TENM4: variants seen among roughly 807,000 people sequenced by gnomAD.
The protein encoded by TENM4 is teneurin transmembrane protein 4, also known as teneurin-4.
TENM4 carries 82 observed loss-of-function variants against 243.3 expected under a neutral mutation model. That is an observed-to-expected ratio of 0.34 (90% CI 0.28 to 0.40). The LOEUF (loss-of-function observed/expected upper bound fraction) is 0.40. TENM4 is among the 10% of genes least tolerant of loss of function. The pLI, the probability that TENM4 is intolerant of heterozygous loss-of-function variation, is 1.00. For missense variants in TENM4, 3,138 were observed against 3,673.3 expected, an observed-to-expected ratio of 0.85 and a Z score of 3.77; for synonymous variants, 1,412 against 1,456.3, an observed-to-expected ratio of 0.97 and a Z score of 0.69.
At chr11:79,114,711 T>A (rs1861582545) in intron 4 of TENM4, among the ~76,000 whole-genome samples, 1 of 152,222 alleles carries the variant, frequency 6.6e-6, no homozygotes, top group South Asian at 2.1e-4. Flanking sequence ...ACATAATTTA[T>A]GTAACTGATC....
chr11:79,282,744 C>T (rs558651605), intron 2 of TENM4, among the ~76,000 whole-genome samples: 1 of 151,896 alleles, frequency 6.6e-6, no homozygotes, highest in Non-Finnish European at 1.5e-5. Flanking sequence ...AATCTCTTAT[C>T]TGTTATGAAG....
At chr11:78,979,845 T>C (rs1274334773) in intron 6 of TENM4, among the ~76,000 whole-genome samples, 1 of 152,208 alleles carries the variant, frequency 6.6e-6, no homozygotes, top group Non-Finnish European at 1.5e-5. Context: ...AACTTGTCTG[T>C]ACCACCTGAA....
At chr11:79,119,019 A>G (rs879672466) in intron 4 of TENM4, among the ~76,000 whole-genome samples, 1 of 152,130 alleles carries the variant, frequency 6.6e-6, no homozygotes, top group East Asian at 1.9e-4. Flanking sequence ...TACCTAATCC[A>G]TTTTTAAAGA....
At chr11:79,148,537 A>G (rs766158743) in intron 4 of TENM4, among the ~76,000 whole-genome samples, 173 bp downstream of exon 4, 1 of 152,108 alleles carries the variant, frequency 6.6e-6, no homozygotes, top group Non-Finnish European at 1.5e-5. Context: ...GAAGGCAAGC[A>G]GTAATCCTGC....
At chr11:78,683,692 A>G (rs1427169033) in intron 29 of TENM4, among the ~76,000 whole-genome samples, 1 of 147,322 alleles carries the variant, frequency 6.8e-6, no homozygotes, top group Non-Finnish European at 1.5e-5. Flanking sequence ...CTCCCTAGTG[A>G]GATGAACCCG....
intron 6 of TENM4, among the ~76,000 whole-genome samples, chr11:78,907,032 A>T (rs1856079012): frequency 1.3e-5 from 2 of 152,154 alleles, no homozygotes; most frequent in African/African-American, 4.8e-5. Context: ...GCCTGGAGCC[A>T]GAGTTGCAGA....
intron 7 of TENM4, among the ~76,000 whole-genome samples, chr11:78,895,159 C>G (rs140776178): frequency 6.6e-6 from 1 of 151,656 alleles, no homozygotes; most frequent in African/African-American, 2.4e-5. Flanking sequence ...CTGGCTAACA[C>G]GGTGAAACCC....
chr11:78,854,561 T>C (rs2136204571), intron 11 of TENM4, among the ~76,000 whole-genome samples: 1 of 138,794 alleles, frequency 7.2e-6, no homozygotes, highest in Non-Finnish European at 1.5e-5. Flanking sequence ...TTAGTCTCAT[T>C]TTGTTTTAGT....
In TENM4 at chr11:78,794,980, G is replaced by A. The variant is rs1341945032; in HGVS notation, c.2180-7897C>T. ...CTGCCTTGGCAAACAGTCAATGTAA[G>A]GGGGCAGCTGGACAAGTAGCTGCCA... On this transcript the variant is annotated intron_variant, in intron 15 of 33. Coordinates refer to ENST00000278550, the MANE Select transcript of TENM4 (RefSeq NM_001098816.3). Among the ~76,000 whole-genome samples, 3 of 152,212 alleles carry A rather than the reference G, an allele frequency of 2.0e-5. No homozygotes were observed. In the East Asian group the frequency reaches 5.8e-4, roughly 29 times the overall value.
At position 78,669,768 on chromosome 11, in the gene TENM4, A is replaced by T; in HGVS notation, c.6577T>A (p.Ser2193Thr). Residue 2193 changes from serine (S) to threonine (T), a missense_variant, in exon 32 of 34, where the codon TCC (serine) becomes ACC (threonine). Around this residue, in one of 2 missense-constraint regions of TENM4, gnomAD observed 2,467 missense variants for 3,059.1 expected, o/e 0.81. Transcript: ENST00000278550. This position sits in a 1 kb window ranked among gnomAD's most constrained non-coding sequence, Gnocchi z 6.4. ...VGPYANTTRY[S>T]YEYDADGQLQ... ...TGGCCGTCAGCATCATACTCATAGGAGTAGCGAGTGGTATTGGCGTAGGGT... is the reference window on the plus strand; with the variant it reads ...TGGCCGTCAGCATCATACTCATAGGTGTAGCGAGTGGTATTGGCGTAGGGT... The T allele has an allele frequency of 6.2e-7, 1 of 1,613,954 alleles. No individual in the cohort carries two copies.
intron 6 of TENM4, among the ~76,000 whole-genome samples, chr11:78,923,728 TG>T (rs1856495345): frequency 8.5e-6 from 1 of 117,416 alleles, no homozygotes; most frequent in Admixed American, 1.1e-4. Context: ...AAAGTAGAGA[TG>T]GGGTTTCACC....
At chr11:79,214,018 G>C (rs374035625) in intron 3 of TENM4, among the ~76,000 whole-genome samples, 1 of 150,638 alleles carries the variant, frequency 6.6e-6, no homozygotes, top group Non-Finnish European at 1.5e-5. Flanking sequence ...TTGAGGTGGA[G>C]TCTCTGTCTG....
intron 2 of TENM4, among the ~76,000 whole-genome samples, chr11:79,267,774 C>G (rs1158903016): frequency 2.0e-5 from 3 of 152,180 alleles, no homozygotes; most frequent in African/African-American, 7.2e-5. Context: ...AAAGATTATT[C>G]ACAGAAAGTA....
chr11:79,237,456 C>A (rs1864498273), intron 2 of TENM4, among the ~76,000 whole-genome samples: 1 of 152,210 alleles, frequency 6.6e-6, no homozygotes, highest in Non-Finnish European at 1.5e-5. Context: ...GCAGGCGGAT[C>A]ACCTGAGTTC....
chr11:79,012,801 C>A (rs748644772), intron 6 of TENM4, among the ~76,000 whole-genome samples: 2 of 152,162 alleles, frequency 1.3e-5, no homozygotes, highest in African/African-American at 4.8e-5. Flanking sequence ...CGAGGACGAC[C>A]TTTCCCAGCT....
intron 18 of TENM4, among the ~76,000 whole-genome samples, chr11:78,768,680 T>C (rs1027637782): frequency 1.3e-5 from 2 of 152,234 alleles, no homozygotes; most frequent in Non-Finnish European, 2.9e-5. Flanking sequence ...GCAAGTGGCA[T>C]ATTCTCCCAC....
chr11:79,417,911 C>G (rs1161552339), intron 1 of TENM4, among the ~76,000 whole-genome samples: 3 of 152,166 alleles, frequency 2.0e-5, no homozygotes, highest in Non-Finnish European at 2.9e-5. Context: ...GTTCTCTCCT[C>G]TTGAAAGCCT....
chr11:79,402,488 T>G (rs963446263), intron 1 of TENM4, among the ~76,000 whole-genome samples: 1 of 152,236 alleles, frequency 6.6e-6, no homozygotes, highest in African/African-American at 2.4e-5. Flanking sequence ...CCTTTTCTTA[T>G]GTGTGGTTTC....
intron 6 of TENM4, among the ~76,000 whole-genome samples, chr11:78,943,948 A>C (rs1856958308): frequency 6.6e-6 from 1 of 152,214 alleles, no homozygotes; most frequent in African/African-American, 2.4e-5. Context: ...TGCCTGCCTC[A>C]CTGCAGAGTG....
Sources: allele counts gnomAD v4.1 joint callset (sites outside exome capture counted in the v4.1 genomes callset), GRCh38; gene constraint gnomAD v4.1.1; regional missense constraint gnomAD v4.1.1; non-coding constraint Gnocchi (gnomAD v3.1); transcripts MANE v1.5; gene names NCBI Gene and HGNC (gene_info 2026-07-23, HGNC 2026-07-21).